Variants in KAT14 observed in about 807,000 individuals in gnomAD.
KAT14 encodes the protein lysine acetyltransferase 14.
KAT14 carries 66 observed loss-of-function variants against 78.4 expected under a neutral mutation model. The ratio of observed to expected loss-of-function variants is 0.84; its 90% CI spans 0.69 to 1.03. KAT14 has a LOEUF of 1.03. Among genes scored for constraint, KAT14 ranks in the 50% least tolerant of loss-of-function variants. KAT14 has a pLI of 0.00. For synonymous variants in KAT14, 344 were observed against 359.4 expected, an observed-to-expected ratio of 0.96 and a Z score of 0.48; for missense variants, 870 against 972.5, an observed-to-expected ratio of 0.89 and a Z score of 1.40.
At chr20:18,162,286 G>A in intron 6 of KAT14, 47 bp downstream of exon 6, 1 of 1,610,300 alleles carries the variant, frequency 6.2e-7, no homozygotes, top group Non-Finnish European at 8.5e-7. Context: ...ATGGGCCATG[G>A]TATAAATGTA....
upstream of KAT14, among the ~76,000 whole-genome samples, chr20:18,137,701 G>A (rs2037344270): frequency 1.3e-5 from 2 of 152,206 alleles, no homozygotes; most frequent in African/African-American, 2.4e-5. Context: ...AATTTGAATC[G>A]GGGGTGGTCT....
chr20:18,170,922 T>C (rs1180727093), intron 7 of KAT14, among the ~76,000 whole-genome samples: 1 of 152,214 alleles, frequency 6.6e-6, no homozygotes, highest in Non-Finnish European at 1.5e-5. Flanking sequence ...TTAAGATTAG[T>C]ATTATTTTCA....
At chr20:18,168,079 T>G (rs1028556078) in intron 7 of KAT14, among the ~76,000 whole-genome samples, 1 of 152,246 alleles carries the variant, frequency 6.6e-6, no homozygotes, top group Admixed American at 6.5e-5. Context: ...TGAAAACTTA[T>G]ACGACTAAGA....
chr20:18,161,767 G>C (rs1028087307), intron 5 of KAT14, 56 bp from the exon 6 acceptor site: 1 of 1,552,256 alleles, frequency 6.4e-7, no homozygotes. Context: ...AAACATGCTT[G>C]TGCCCAAGCA....
At chr20:18,177,095 A>G (rs1008926858) in intron 7 of KAT14, among the ~76,000 whole-genome samples, 1 of 152,032 alleles carries the variant, frequency 6.6e-6, no homozygotes, top group African/African-American at 2.4e-5. Flanking sequence ...ATTATAAACC[A>G]CTCCAAAACT....
At chr20:18,154,175 T>C (rs927110435) in intron 4 of KAT14, among the ~76,000 whole-genome samples, 3 of 152,220 alleles carry the variant, frequency 2.0e-5, no homozygotes, top group African/African-American at 4.8e-5. Flanking sequence ...CTCAGACATT[T>C]CTGTGTATGA....
Position 18,162,125 on chromosome 20 carries a change from CCTT to C in KAT14, c.988_990del (p.Ser330del), listed in dbSNP as rs769699911. The C allele has an allele frequency of 2.2e-5, 35 of 1,614,238 alleles. No homozygotes were observed. Among genetic ancestry groups the C allele is most frequent in the Non-Finnish European group, 2.8e-5 (33 of 1,180,048 alleles). On this transcript the variant is annotated inframe_deletion, in exon 6 of 11. Coordinates refer to ENST00000688188, the MANE Select transcript of KAT14 (RefSeq NM_001392073.1). The stretch of plus-strand genomic sequence containing the variant: ...CCCGCTGACAAGCCCATCTCCTTCT[CCTT>C]CTCTGGATTTCTCTGCCCCTGGTAC...
intron 5 of KAT14, among the ~76,000 whole-genome samples, 199 bp from the exon 6 acceptor site, chr20:18,161,624 T>C (rs979401153): frequency 6.6e-6 from 1 of 152,150 alleles, no homozygotes; most frequent in Non-Finnish European, 1.5e-5. Flanking sequence ...AATCTGAAAC[T>C]TTTTCAGCAC....
At chr20:18,165,668 A>G (rs1026126680) in intron 7 of KAT14, among the ~76,000 whole-genome samples, 2 of 152,194 alleles carry the variant, frequency 1.3e-5, no homozygotes, top group East Asian at 3.8e-4. Flanking sequence ...TTCGGCTTCC[A>G]TGAACCCCTT....
chr20:18,153,960 C>T (rs2038137740), intron 4 of KAT14, among the ~76,000 whole-genome samples: 1 of 152,160 alleles, frequency 6.6e-6, no homozygotes, highest in Non-Finnish European at 1.5e-5. Flanking sequence ...AAAAGGGAGG[C>T]TGCTACAAGT....
rs2037651843 is a variant in KAT14 at position 18,143,084 on chromosome 20, T to C, written c.259+165T>C. The C allele has an allele frequency of 2.1e-6, 3 of 1,408,658 alleles. No individual in the cohort carries two copies. In the East Asian group the frequency reaches 7.7e-5, roughly 36 times the overall value. 87.3% of individuals were successfully genotyped at this position (1,408,658 alleles called of 1,614,324 possible). On this transcript the variant is annotated intron_variant, in intron 2 of 10. Coordinates refer to ENST00000688188, the MANE Select transcript of KAT14 (RefSeq NM_001392073.1). ...TTTATATAAAACATAGGCATGTTTG[T>C]ACTAATGAAACGTACTGTCAACCTC... is the stretch of plus-strand genomic sequence containing the variant.
chr20:18,151,057 T>G, intron 4 of KAT14, 115 bp downstream of exon 4: 1 of 1,379,014 alleles, frequency 7.3e-7, no homozygotes, highest in South Asian at 1.4e-5. Flanking sequence ...TTTTTTGAGA[T>G]AGAGTCTCCC....
chr20:18,172,501 A>G (rs1294659254), intron 7 of KAT14, among the ~76,000 whole-genome samples: 3 of 151,582 alleles, frequency 2.0e-5, no homozygotes, highest in African/African-American at 7.3e-5. Context: ...TCCTGGGCTC[A>G]TGCAGTCCTC....
intron 7 of KAT14, among the ~76,000 whole-genome samples, chr20:18,164,231 G>A (rs918795491): frequency 1.3e-5 from 2 of 152,096 alleles, no homozygotes; most frequent in African/African-American, 4.8e-5. Flanking sequence ...GAGGGCCCAG[G>A]AGCCCATCGT....
chr20:18,161,868 G>A lies in KAT14; in HGVS notation c.728G>A (p.Arg243Lys). ...CCCATCATTACTGTTGAGGGACTTA[G>A]AAAACGAGCAAGTCGGAATCCTGTG... ...LDPIITVEGL[R>K]KRASRNPVES... Residue 243 changes from arginine (R) to lysine (K), a missense_variant, in exon 6 of 11, where the codon AGA (arginine) becomes AAA (lysine). Coordinates refer to ENST00000688188, the MANE Select transcript of KAT14 (RefSeq NM_001392073.1). 6.2e-7 allele frequency: 1 copy of A among 1,614,128 alleles called. No homozygotes were observed. Among genetic ancestry groups the A allele is most frequent in the Non-Finnish European group, 8.5e-7 (1 of 1,180,028 alleles).
In KAT14 at chr20:18,181,837, C is replaced by G. The variant is rs11557577; in HGVS notation, c.1796C>G (p.Pro599Arg). Residue 599 changes from proline (P) to arginine (R), a missense_variant, in exon 8 of 11, where the codon CCT becomes CGT. Coordinates refer to ENST00000688188, the MANE Select transcript of KAT14 (RefSeq NM_001392073.1). ...VSPYTSRILKPYIRRDYETKP... is the reference protein window; with the variant it reads ...VSPYTSRILKRYIRRDYETKP... ...CCTTATACCTCTCGGATCTTGAAACCTTATATCAGGTATATGGAGAACTAG... is the reference window on the plus strand; with the variant it reads ...CCTTATACCTCTCGGATCTTGAAACGTTATATCAGGTATATGGAGAACTAG... 0.037 allele frequency: 60,445 copies of G among 1,613,946 alleles called. 1,334 individuals are homozygous for G. The highest frequency in any genetic ancestry group is 0.045 in the Non-Finnish European group (52,998 of 1,179,882).
chr20:18,159,636 C>T (rs970233427), intron 5 of KAT14, among the ~76,000 whole-genome samples: 7 of 152,184 alleles, frequency 4.6e-5, no homozygotes, highest in African/African-American at 1.7e-4. Context: ...TCCTGACAGT[C>T]TCATTTTATC....
At chr20:18,138,572 C>G (rs756033988) in intron 1 of KAT14, 6 of 531,688 alleles carry the variant, frequency 1.1e-5, no homozygotes, top group Non-Finnish European at 1.4e-5. Flanking sequence ...AGCCCCCCTT[C>G]CCCGTACTCA....
In KAT14 at chr20:18,187,473, C is replaced by T. The variant is rs749001170; in HGVS notation, c.*14C>T. On this transcript the variant is annotated 3_prime_UTR_variant, in exon 11 of 11. Transcript: ENST00000688188. ...CTCCGGCGCTGATGCGAATACAGCT[C>T]ACAGAGAAACGCATGTGCTATTGGA... 7 of 1,613,480 alleles carry T rather than the reference C, an allele frequency of 4.3e-6. No homozygotes were observed. Among genetic ancestry groups the T allele is most frequent in the Admixed American group, 1.7e-5 (1 of 59,894 alleles).
Sources: gnomAD v4.1 joint callset for allele counts (sites outside exome capture counted in the v4.1 genomes callset) on GRCh38, gnomAD v4.1.1 for gene constraint, MANE v1.5 for transcripts, NCBI Gene and HGNC (gene_info 2026-07-23, HGNC 2026-07-21) for gene names.